CCSER2: variants seen among roughly 807,000 people sequenced by gnomAD.
The protein encoded by CCSER2 is serine-rich coiled-coil domain-containing protein 2.
In CCSER2, 46 loss-of-function variants were observed where a neutral mutation model predicts 92.3. That is an observed-to-expected ratio of 0.50 (90% CI 0.39 to 0.64). The LOEUF (loss-of-function observed/expected upper bound fraction) is 0.64. Among genes scored for constraint, CCSER2 ranks in the 30% least tolerant of loss-of-function variants. The pLI is 0.00. For missense variants in CCSER2, 1,244 were observed against 1,238.9 expected, an observed-to-expected ratio of 1.00 and a Z score of -0.06; for synonymous variants, 433 against 431.4, an observed-to-expected ratio of 1.00 and a Z score of -0.04.
At chr10:84,352,386 G>C (rs1380933156) in intron 1 of CCSER2, among the ~76,000 whole-genome samples, 1 of 152,150 alleles carries the variant, frequency 6.6e-6, no homozygotes, top group Non-Finnish European at 1.5e-5. Context: ...GCCAAGGTGA[G>C]GTGTGGGAAC....
At chr10:84,467,415 C>G (rs1268660807) in intron 7 of CCSER2, among the ~76,000 whole-genome samples, 1 of 152,114 alleles carries the variant, frequency 6.6e-6, no homozygotes, top group South Asian at 2.1e-4. Context: ...GTATGTCCCA[C>G]CCATAAGTAC....
At position 84,484,067 on chromosome 10, in the gene CCSER2, G is replaced by A. The variant is rs1343872143; in HGVS notation, c.2325+6403G>A. ...TGGCTCACTGCAAGCTCCACCTCCC[G>A]GGTTCACACCATTCCCCTGCCTCAG... On this transcript the variant is annotated intron_variant, in intron 9 of 9. Coordinates refer to ENST00000372088, the MANE Select transcript of CCSER2 (RefSeq NM_001284240.2). Among the ~76,000 whole-genome samples, 7 of 145,626 alleles carry A rather than the reference G, an allele frequency of 4.8e-5. No homozygotes were observed. The East Asian group carries it at 6.1e-4, about 13-fold the overall frequency.
At chr10:84,426,896 G>A (rs1008784430) in intron 5 of CCSER2, among the ~76,000 whole-genome samples, 19 of 152,166 alleles carry the variant, frequency 1.2e-4, no homozygotes, top group Admixed American at 6.5e-4. Flanking sequence ...TCAAACAACT[G>A]TGTTCCTTGG....
chr10:84,402,900 CTT>C (rs1337450488), intron 3 of CCSER2, among the ~76,000 whole-genome samples: 2 of 152,130 alleles, frequency 1.3e-5, no homozygotes, highest in Non-Finnish European at 2.9e-5. Context: ...TTTATAAAGA[CTT>C]AATGCAATTT....
intron 1 of CCSER2, among the ~76,000 whole-genome samples, chr10:84,366,400 G>A (rs12269579): frequency 0.12 from 17,616 of 152,110 alleles, 2,968 homozygotes; most frequent in African/African-American, 0.37. Flanking sequence ...TAAATTTGTA[G>A]TCCTGTAGCT....
At chr10:84,440,817 G>C (rs927170293) in intron 6 of CCSER2, among the ~76,000 whole-genome samples, 9 of 152,210 alleles carry the variant, frequency 5.9e-5, no homozygotes, top group African/African-American at 2.2e-4. Flanking sequence ...GTATGAAATA[G>C]TTTCGTTGTA....
rs1198510687 is a variant in CCSER2, at chr10:84,465,341, T to A, written c.2148+1325T>A. ...TTTTTTTTTTTTTTTTTTTTTTTTT[T>A]TTAGACGGAGCCTTGCTCTGTCACC... is the stretch of plus-strand genomic sequence containing the variant. On this transcript the variant is annotated intron_variant, in intron 7 of 9. Coordinates refer to ENST00000372088, the MANE Select transcript of CCSER2 (RefSeq NM_001284240.2). Among the ~76,000 whole-genome samples, 2 of 139,064 alleles carry A rather than the reference T, an allele frequency of 1.4e-5. 1 individual carries two copies. Among genetic ancestry groups the A allele is most frequent in the Non-Finnish European group, 3.1e-5 (2 of 64,368 alleles). The allele number at this position is 139,064 out of a possible 152,430, so 91.2% of individuals were successfully genotyped here.
chr10:84,438,536 T>G lies in CCSER2; in HGVS notation c.1893T>G (p.Pro631=). 6.2e-7 allele frequency: 1 copy of G among 1,611,742 alleles called. No homozygotes were observed. ...LSRGSPYRES[P]LGHFESYGGM... is the part of the protein sequence containing the mutation. The stretch of plus-strand genomic sequence containing the variant: ...GAGGCTCTCCCTATAGAGAATCTCC[T>G]TTGGGTCATTTTGAAAGCTATGGAG... The change falls in exon 6 of 10, where the codon CCT becomes CCG. Residue 631 remains proline, a synonymous_variant. Coordinates refer to ENST00000372088, the MANE Select transcript of CCSER2 (RefSeq NM_001284240.2).
intron 3 of CCSER2, among the ~76,000 whole-genome samples, chr10:84,398,840 A>C (rs920340339): frequency 6.6e-6 from 1 of 152,242 alleles, no homozygotes; most frequent in African/African-American, 2.4e-5. Flanking sequence ...TTATGTAGAC[A>C]TATTCACAGA....
intron 3 of CCSER2, among the ~76,000 whole-genome samples, chr10:84,415,697 G>A (rs181437490): frequency 3.3e-5 from 5 of 152,326 alleles, no homozygotes; most frequent in African/African-American, 4.8e-5. Flanking sequence ...GCTGTGCTGC[G>A]TTGTGGGGGA....
intron 9 of CCSER2, among the ~76,000 whole-genome samples, chr10:84,513,071 A>G (rs779883009): frequency 2.6e-5 from 4 of 152,216 alleles, no homozygotes; most frequent in Non-Finnish European, 5.9e-5. Context: ...GGTCACCGTT[A>G]ACACCTGAAT....
intron 5 of CCSER2, among the ~76,000 whole-genome samples, chr10:84,436,626 C>T (rs1373826279): frequency 6.6e-5 from 9 of 136,040 alleles, no homozygotes; most frequent in African/African-American, 2.4e-4. Flanking sequence ...CAGAGCGAGA[C>T]TCCGTCTCAA....
intron 8 of CCSER2, 132 bp from the exon 9 acceptor site, chr10:84,477,443 A>G (rs1847216126): frequency 1.9e-6 from 1 of 533,666 alleles, no homozygotes. Flanking sequence ...CATGGCTGTT[A>G]ATTTTTTTTA....
intron 9 of CCSER2, among the ~76,000 whole-genome samples, chr10:84,507,743 G>C (rs149612081): frequency 6.6e-6 from 1 of 152,196 alleles, no homozygotes; most frequent in East Asian, 1.9e-4. Context: ...TTGAAGTGTC[G>C]TAAAACAGTA....
At chr10:84,362,890 G>A (rs1190452788) in intron 1 of CCSER2, among the ~76,000 whole-genome samples, 1 of 151,950 alleles carries the variant, frequency 6.6e-6, no homozygotes. Flanking sequence ...AGGCTGGAGT[G>A]CAATGGCGCA....
intron 7 of CCSER2, among the ~76,000 whole-genome samples, chr10:84,464,776 T>G (rs1318839289): frequency 6.6e-6 from 1 of 152,188 alleles, no homozygotes; most frequent in Non-Finnish European, 1.5e-5. Flanking sequence ...TTGTGGGACA[T>G]GTTATTGTGC....
chr10:84,415,786 C>T (rs755412062), intron 3 of CCSER2, among the ~76,000 whole-genome samples: 4 of 152,198 alleles, frequency 2.6e-5, no homozygotes, highest in Admixed American at 6.5e-5. Flanking sequence ...GCAGAGATGG[C>T]GGCTGCCCCT....
chr10:84,396,979 A>G (rs187609803), intron 3 of CCSER2, among the ~76,000 whole-genome samples: 1 of 152,246 alleles, frequency 6.6e-6, no homozygotes, highest in Non-Finnish European at 1.5e-5. Context: ...TGACTATGCT[A>G]GTATAGAGCA....
rs1849597428 is a variant in CCSER2 at position 84,516,382 on chromosome 10, C to T, written c.*2115C>T. 1 of 152,188 alleles carries T rather than the reference C, an allele frequency of 6.6e-6. No homozygotes were observed. Among genetic ancestry groups the T allele is most frequent in the South Asian group, 2.1e-4 (1 of 4,834 alleles). The allele number at this position is 152,188 out of a possible 1,614,324, so 9.4% of individuals were successfully genotyped here. A position where few individuals can be genotyped will look rare whatever the true frequency, so the allele number is the denominator to read the frequency against. Reference sequence around the variant, plus strand: ...GTTAGAGTCAGGCAAATCAGCAAAGCACTTTGTTATGGAGATGACCCATGA... The same window carrying T: ...GTTAGAGTCAGGCAAATCAGCAAAGTACTTTGTTATGGAGATGACCCATGA... On this transcript the variant is annotated 3_prime_UTR_variant, in exon 10 of 10. Transcript: ENST00000372088.
Sources: allele counts gnomAD v4.1 joint callset (sites outside exome capture counted in the v4.1 genomes callset), GRCh38; gene constraint gnomAD v4.1.1; transcripts MANE v1.5; gene names NCBI Gene and HGNC (gene_info 2026-07-23, HGNC 2026-07-21).